Variants in ADGRL3 observed in about 807,000 individuals in gnomAD.
ADGRL3 encodes the protein calcium-independent alpha-latrotoxin receptor 3.
In ADGRL3, 62 loss-of-function variants were observed where a neutral mutation model predicts 153.5. The observed-to-expected ratio is 0.40, with a 90% CI of 0.33 to 0.50. The LOEUF (loss-of-function observed/expected upper bound fraction) is 0.50. Ranked by LOEUF, ADGRL3 falls within the 20% of genes least tolerant of loss-of-function variation. ADGRL3 has a pLI of 0.47. For synonymous variants in ADGRL3, 710 were observed against 672.5 expected (o/e 1.06, Z -0.86); for missense variants, 1,641 against 1,859.4 (o/e 0.88, Z 2.16).
intron 4 of ADGRL3, chr4:61,579,741 T>G (rs2098915610): frequency 3.0e-6 from 1 of 330,070 alleles, no homozygotes; most frequent in Admixed American, 4.4e-5. Flanking sequence ...CCTCAGAACA[T>G]AGTTGTCTTT....
At chr4:61,379,527 T>G (rs1235573538) in intron 1 of ADGRL3, among the ~76,000 whole-genome samples, 1 of 152,020 alleles carries the variant, frequency 6.6e-6, no homozygotes, top group East Asian at 1.9e-4. Flanking sequence ...TACACTGACC[T>G]TTTTAAAAAA....
chr4:61,322,326 A>G (rs2095374839), intron 1 of ADGRL3, among the ~76,000 whole-genome samples: 2 of 152,188 alleles, frequency 1.3e-5, no homozygotes, highest in Admixed American at 1.3e-4. Flanking sequence ...GAGCCAAACC[A>G]TATCGTTCCA....
intron 9 of ADGRL3, among the ~76,000 whole-genome samples, chr4:61,820,318 C>T (rs2097737091): frequency 6.6e-6 from 1 of 152,076 alleles, no homozygotes; most frequent in African/African-American, 2.4e-5. Context: ...GCTGTGATGG[C>T]TTTATGTGCA....
intron 3 of ADGRL3, among the ~76,000 whole-genome samples, chr4:61,509,144 T>TTTG (rs1553949484): frequency 2.7e-5 from 4 of 150,106 alleles, no homozygotes; most frequent in African/African-American, 4.9e-5. Flanking sequence ...TTTTTTTTTT[T>TTTG]GAGACAGAGT....
chr4:61,499,726 AG>A (rs1374542259), intron 3 of ADGRL3, among the ~76,000 whole-genome samples: 11 of 152,292 alleles, frequency 7.2e-5, no homozygotes, highest in Admixed American at 6.5e-4. Flanking sequence ...AAGGAAAAAA[AG>A]AAAAATACCT....
Position 61,432,592 on chromosome 4 carries a change from T to C in ADGRL3, c.-174+49403T>C, listed in dbSNP as rs1242045911. On this transcript the variant is annotated intron_variant, in intron 2 of 26. Coordinates refer to ENST00000683033, the MANE Select transcript of ADGRL3 (RefSeq NM_001387552.1). ...TCTCTTCCTTTCTTTCTTTCTTTCTTTCTTTCTTTCTTTCTTTCTTTCTTT... is the reference window on the plus strand; with the variant it reads ...TCTCTTCCTTTCTTTCTTTCTTTCTCTCTTTCTTTCTTTCTTTCTTTCTTT... Among the ~76,000 whole-genome samples the C allele has an allele frequency of 1.2e-3, 10 of 8,182 alleles. 2 individuals carry two copies. The highest frequency in any genetic ancestry group is 0.01 in the South Asian group (1 of 100). 5.4% of individuals were successfully genotyped at this position (8,182 alleles called of 152,430 possible). A position where few individuals can be genotyped will look rare whatever the true frequency, so the allele number is the denominator to read the frequency against.
chr4:61,915,089 AAGG>A (rs2098739133), intron 13 of ADGRL3, among the ~76,000 whole-genome samples: 1 of 151,970 alleles, frequency 6.6e-6, no homozygotes, highest in African/African-American at 2.4e-5. Context: ...TTAAAAGGAA[AAGG>A]AGAATTTCAA....
intron 25 of ADGRL3, among the ~76,000 whole-genome samples, chr4:62,051,975 A>C (rs972555515): frequency 1.3e-5 from 2 of 151,666 alleles, no homozygotes; most frequent in Non-Finnish European, 3.0e-5. Context: ...CTCTGATAGA[A>C]CACAATATGC....
chr4:61,815,244 GA>G (rs2097675177), intron 9 of ADGRL3, among the ~76,000 whole-genome samples: 1 of 151,980 alleles, frequency 6.6e-6, no homozygotes, highest in South Asian at 2.1e-4. Context: ...GAGATGTAAC[GA>G]GGCAGATTGT....
chr4:62,000,564 C>A (rs1413191640), intron 21 of ADGRL3, among the ~76,000 whole-genome samples: 1 of 151,972 alleles, frequency 6.6e-6, no homozygotes, highest in Non-Finnish European at 1.5e-5. Context: ...TATGTCTAAA[C>A]TGTTTTCTAG....
intron 3 of ADGRL3, among the ~76,000 whole-genome samples, chr4:61,503,998 A>T (rs1012910910): frequency 1.3e-5 from 2 of 151,466 alleles, no homozygotes; most frequent in African/African-American, 4.9e-5. Context: ...AAATTCTCCA[A>T]CCCCCTTTTT....
chr4:61,639,475 A>G (rs1182186736), intron 5 of ADGRL3, among the ~76,000 whole-genome samples: 2 of 152,186 alleles, frequency 1.3e-5, no homozygotes, highest in East Asian at 1.9e-4. Context: ...ATCAAAACCT[A>G]TACTATATAC....
At position 62,044,522 on chromosome 4, in the gene ADGRL3, A is replaced by G; in HGVS notation, c.3787A>G (p.Ile1263Val). ...AGAGTCTTCCTTTATTACTGGAGAC[A>G]TAAACAGTTCAGCGTCACTCAACAG... ...QSESSFITGDINSSASLNREP... is the reference protein window; with the variant it reads ...QSESSFITGDVNSSASLNREP... Residue 1263 changes from isoleucine to valine, a missense_variant, in exon 25 of 27, where the codon ATA becomes GTA. Around this residue, in one of 5 missense-constraint regions of ADGRL3, gnomAD observed 517 missense variants for 555.0 expected, o/e 0.93. Transcript: ENST00000683033. 1.9e-6 allele frequency: 3 copies of G among 1,594,416 alleles called. No homozygotes were observed. The highest frequency in any genetic ancestry group is 2.6e-6 in the Non-Finnish European group (3 of 1,169,532).
intron 2 of ADGRL3, among the ~76,000 whole-genome samples, chr4:61,474,556 G>T (rs2098019055): frequency 6.6e-6 from 1 of 152,036 alleles, no homozygotes; most frequent in Non-Finnish European, 1.5e-5. Flanking sequence ...GCCCTAAAGG[G>T]TTTTTTAAGA....
At chr4:61,863,231 CTTTTT>C (rs1189171329) in intron 9 of ADGRL3, among the ~76,000 whole-genome samples, 1 of 80,906 alleles carries the variant, frequency 1.2e-5, no homozygotes. Context: ...GGGCATCATT[CTTTTT>C]TTTTTTTTTT....
At chr4:61,860,584 T>G (rs2098330416) in intron 9 of ADGRL3, among the ~76,000 whole-genome samples, 1 of 152,038 alleles carries the variant, frequency 6.6e-6, no homozygotes, top group Non-Finnish European at 1.5e-5. Context: ...TGGGCCCCTT[T>G]GTTGTTGCCA....
intron 17 of ADGRL3, among the ~76,000 whole-genome samples, chr4:61,974,691 G>A (rs1157400831): frequency 6.6e-6 from 1 of 152,180 alleles, no homozygotes; most frequent in African/African-American, 2.4e-5. Context: ...GAAGTGACAA[G>A]ATTAAATTCA....
chr4:61,256,522 A>G (rs1435475389), intron 1 of ADGRL3, among the ~76,000 whole-genome samples: 4 of 152,094 alleles, frequency 2.6e-5, no homozygotes, highest in Non-Finnish European at 5.9e-5. Context: ...AGGACTTGAC[A>G]TTTTCAAGAA....
chr4:61,257,836 G>GGTGTGTGT (rs10635406), intron 1 of ADGRL3, among the ~76,000 whole-genome samples: 7,809 of 150,600 alleles, frequency 0.052, 273 homozygotes, highest in Middle Eastern at 0.075. Flanking sequence ...TTGAATTAGA[G>GGTGTGTGT]GTGTGTGTGT....
Sources: gnomAD v4.1 joint callset for allele counts (sites outside exome capture counted in the v4.1 genomes callset) on GRCh38, gnomAD v4.1.1 for gene constraint, gnomAD v4.1.1 regional missense constraint, MANE v1.5 for transcripts, NCBI Gene and HGNC (gene_info 2026-07-23, HGNC 2026-07-21) for gene names.